The following MARVELD3 variants were observed in gnomAD, a reference collection of about 807,000 sequenced individuals.
The protein encoded by MARVELD3 is MARVEL domain-containing protein 3.
MARVELD3 carries 28 observed loss-of-function variants against 33.5 expected under a neutral mutation model. That is an observed-to-expected ratio of 0.84 (90% CI 0.62 to 1.15). The LOEUF is 1.15. Ranked by LOEUF, MARVELD3 falls within the 50% of genes most tolerant of loss-of-function variation. MARVELD3 has a pLI of 0.00. For synonymous variants in MARVELD3, 241 were observed against 230.4 expected, an observed-to-expected ratio of 1.05 and a Z score of -0.42; for missense variants, 582 against 547.6, an observed-to-expected ratio of 1.06 and a Z score of -0.63.
chr16:71,634,001 T>G (rs2044557227), intron 2 of MARVELD3, among the ~76,000 whole-genome samples, 192 bp from the exon 3 acceptor site: 1 of 152,124 alleles, frequency 6.6e-6, no homozygotes, highest in Admixed American at 6.5e-5. Context: ...CCATAGTATT[T>G]CTGGCACCAT....
At chr16:71,629,218 C>A in intron 1 of MARVELD3, 149 bp from the exon 2 acceptor site, 1 of 912,286 alleles carries the variant, frequency 1.1e-6, no homozygotes, top group Non-Finnish European at 1.5e-6. Context: ...GCCACTAAAC[C>A]AGAGAATTCT....
In MARVELD3 at chr16:71,636,259, A is replaced by C; in HGVS notation, c.*1456A>C. 1 of 622,280 alleles carries C rather than the reference A, an allele frequency of 1.6e-6. No homozygotes were observed. Among genetic ancestry groups the C allele is most frequent in the South Asian group, 6.9e-5 (1 of 14,450 alleles). 38.5% of individuals were successfully genotyped at this position (622,280 alleles called of 1,614,324 possible). A position where few individuals can be genotyped will look rare whatever the true frequency, so the allele number is the denominator to read the frequency against. ...ATTTATAATATTCTCTTAAATACAG[A>C]CAATTTTTCACATTTAAAAGGTGAG... is the stretch of plus-strand genomic sequence containing the variant. On this transcript the variant is annotated 3_prime_UTR_variant, in exon 3 of 3. Coordinates refer to ENST00000268485, the MANE Select transcript of MARVELD3 (RefSeq NM_052858.6).
intron 2 of MARVELD3, among the ~76,000 whole-genome samples, chr16:71,629,837 G>T (rs1374718064): frequency 6.6e-6 from 1 of 152,094 alleles, no homozygotes; most frequent in East Asian, 1.9e-4. Context: ...ATCTTCTGGC[G>T]AGGCAGCTGA....
At position 71,634,329 on chromosome 16, in the gene MARVELD3, C is replaced by T. The variant is rs750059588; in HGVS notation, c.732C>T (p.Tyr244=). 34 of 1,614,088 alleles carry T rather than the reference C, an allele frequency of 2.1e-5. No individual in the cohort carries two copies. Among genetic ancestry groups the T allele is most frequent in the Non-Finnish European group, 2.8e-5 (33 of 1,180,044 alleles). Residue 244 remains tyrosine, a synonymous_variant, in exon 3 of 3, where the codon TAC becomes TAT. Coordinates refer to ENST00000268485, the MANE Select transcript of MARVELD3 (RefSeq NM_052858.6). ...GIYYYQFGGA[Y]SGFDGADGEK... ...ACTACTATCAGTTCGGAGGGGCTTA[C>T]AGTGGCTTTGATGGTGCTGACGGGG...
rs1470169870 is a variant in MARVELD3 at position 71,635,271 on chromosome 16, G to T, written c.*468G>T. The T allele has an allele frequency of 1.1e-6, 1 of 932,612 alleles. No individual in the cohort carries two copies. The highest frequency in any genetic ancestry group is 1.2e-4 in the East Asian group (1 of 8,562). The allele number at this position is 932,612 out of a possible 1,614,324, so 57.8% of individuals were successfully genotyped here. On this transcript the variant is annotated 3_prime_UTR_variant, in exon 3 of 3. Transcript: ENST00000268485. ...TTGAATCTGGGAGGCGGAGATTGCA[G>T]TGAGCCGAGATCCCGCCACTGCACT...
downstream of MARVELD3, chr16:71,641,104 A>G (rs2044616415): frequency 1.3e-6 from 2 of 1,495,976 alleles, no homozygotes; most frequent in African/African-American, 1.4e-5. Context: ...GCATTAGACA[A>G]CTATGGTTTT....
In MARVELD3 at chr16:71,626,639, C is replaced by A; in HGVS notation, c.410C>A (p.Ala137Asp). The change falls in exon 1 of 3, where the codon GCC (alanine) becomes GAC (aspartate). Residue 137 changes from alanine (A) to aspartate (D), a missense_variant. By Grantham distance (126) the Ala-to-Asp change is moderately radical. Coordinates refer to ENST00000268485, the MANE Select transcript of MARVELD3 (RefSeq NM_052858.6). The surrounding 1 kb of genome is among the most constrained non-coding windows in gnomAD (Gnocchi z 5.3). ...AAPPGPAPWE[A>D]PEPPQPQRKG... ...CCTCCTGGGCCCGCGCCCTGGGAAG[C>A]CCCGGAGCCGCCGCAGCCGCAGAGG... The A allele has an allele frequency of 6.5e-7, 1 of 1,535,700 alleles. No homozygotes were observed. Among genetic ancestry groups the A allele is most frequent in the Admixed American group, 2.0e-5 (1 of 50,502 alleles).
At position 71,632,961 on chromosome 16, in the gene MARVELD3, A is replaced by G. The variant is rs181406829; in HGVS notation, c.596-1232A>G. Among the ~76,000 whole-genome samples, 9 of 152,204 alleles carry G rather than the reference A, an allele frequency of 5.9e-5. No individual in the cohort carries two copies. The East Asian group carries it at 1.5e-3, about 26-fold the overall frequency. On this transcript the variant is annotated intron_variant, in intron 2 of 2. Coordinates refer to ENST00000268485, the MANE Select transcript of MARVELD3 (RefSeq NM_052858.6). Reference sequence around the variant, plus strand: ...AACCACAGTTAACATTTTGATGTATAACTTCCACGCTTTTTTTCTGAATTA... The same window carrying G: ...AACCACAGTTAACATTTTGATGTATGACTTCCACGCTTTTTTTCTGAATTA...
At chr16:71,640,668 C>A (rs781199812), downstream of MARVELD3, 5 of 1,614,238 alleles carry the variant, frequency 3.1e-6, no homozygotes, top group Non-Finnish European at 4.2e-6. Context: ...AGCCAAGAGT[C>A]GAACAATGTT....
rs1327185647 is a variant in MARVELD3, at chr16:71,626,374, G to A, written c.145G>A (p.Gly49Arg). The A allele has an allele frequency of 1.9e-6, 3 of 1,546,306 alleles. No individual in the cohort carries two copies. Among genetic ancestry groups the A allele is most frequent in the South Asian group, 2.4e-5 (2 of 83,848 alleles). Residue 49 changes from glycine (G) to arginine (R), a missense_variant, in exon 1 of 3, where the codon GGG becomes AGG. Transcript: ENST00000268485. The surrounding 1 kb of genome is among the most constrained non-coding windows in gnomAD (Gnocchi z 5.3). ...CCCGCGCAGGAAGCGAAGCAGCGAC[G>A]GGAACCGGCGAAGGGACGGGGACCG... The part of the protein sequence containing the change: ...GDPRRKRSSD[G>R]NRRRDGDRDP...
In MARVELD3 at chr16:71,627,648, G is replaced by A. The variant is rs79720924; in HGVS notation, c.467+952G>A. ...CTAGGCAGCGTCATTCGAATCCCAC[G>A]GCTGCTTGAGACCGCACCCTCCTAA... On this transcript the variant is annotated intron_variant, in intron 1 of 2. Coordinates refer to ENST00000268485, the MANE Select transcript of MARVELD3 (RefSeq NM_052858.6). 3.1e-3 allele frequency among the ~76,000 whole-genome samples: 476 copies of A among 152,182 alleles called. 1 individual carries two copies. The highest frequency in any genetic ancestry group is 5.5e-3 in the Non-Finnish European group (375 of 68,004).
intron 2 of MARVELD3, among the ~76,000 whole-genome samples, chr16:71,629,918 C>T (rs938358185): frequency 2.1e-4 from 32 of 152,164 alleles, no homozygotes; most frequent in African/African-American, 7.2e-4. Context: ...GAAGATCTGA[C>T]GCCCAACATT....
chr16:71,629,299 A>G, intron 1 of MARVELD3, 68 bp from the exon 2 acceptor site: 1 of 1,469,044 alleles, frequency 6.8e-7, no homozygotes, highest in Non-Finnish European at 9.0e-7. Context: ...CGAGGAGTCA[A>G]GAGTTCTAAT....
Position 71,634,207 on chromosome 16 carries a change from C to A in MARVELD3, c.610C>A (p.Leu204Met). 2 of 1,601,906 alleles carry A rather than the reference C, an allele frequency of 1.2e-6. No homozygotes were observed. The highest frequency in any genetic ancestry group is 1.7e-5 in the Admixed American group (1 of 59,270). ...TTTTTTTGCAGCCTGCTGCCAAATG[C>A]TGGAGGTTCTCCTGAACTTGCTGAT... is the stretch of plus-strand genomic sequence containing the variant. Reference protein sequence around the residue: ...LCTGRACCQMLEVLLNLLILA... With the variant: ...LCTGRACCQMMEVLLNLLILA... Residue 204 changes from leucine to methionine, a missense_variant, in exon 3 of 3, where the codon CTG becomes ATG. Physicochemically the swap from Leu to Met is conservative, Grantham distance 15. Coordinates refer to ENST00000268485, the MANE Select transcript of MARVELD3 (RefSeq NM_052858.6).
At chr16:71,628,622 A>G (rs1476878987) in intron 1 of MARVELD3, among the ~76,000 whole-genome samples, 1 of 151,684 alleles carries the variant, frequency 6.6e-6, no homozygotes, top group Non-Finnish European at 1.5e-5. Context: ...ACCCAGAGGC[A>G]TGGAAAAGCA....
At position 71,635,885 on chromosome 16, in the gene MARVELD3, C is replaced by T; in HGVS notation, c.*1082C>T. The T allele has an allele frequency of 1.0e-6, 1 of 985,350 alleles. No individual in the cohort carries two copies. The highest frequency in any genetic ancestry group is 1.2e-6 in the Non-Finnish European group (1 of 829,932). The allele number at this position is 985,350 out of a possible 1,614,324, so 61.0% of individuals were successfully genotyped here. On this transcript the variant is annotated 3_prime_UTR_variant, in exon 3 of 3. Coordinates refer to ENST00000268485, the MANE Select transcript of MARVELD3 (RefSeq NM_052858.6). ...GTTGCAAAGAGGCTATTCTGCAAGC[C>T]CCTTACAGTGGCCCTGAAAGCTCAA...
At chr16:71,629,954 G>A (rs539364066) in intron 2 of MARVELD3, among the ~76,000 whole-genome samples, 4 of 152,058 alleles carry the variant, frequency 2.6e-5, no homozygotes, top group African/African-American at 9.7e-5. Context: ...AAACTTTATT[G>A]ACTGAGGCCA....
exon 3 of MARVELD3, chr16:71,641,702 C>T (rs1199669744): frequency 6.6e-6 from 1 of 151,858 alleles, no homozygotes; most frequent in Non-Finnish European, 1.5e-5. Flanking sequence ...TGAGCAAACT[C>T]CACTCCACGT....
downstream of MARVELD3, chr16:71,641,124 G>T: frequency 7.0e-7 from 1 of 1,420,752 alleles, no homozygotes; most frequent in South Asian, 1.4e-5. Context: ...TCACACACTT[G>T]ACTTTATAAA....
Sources: allele counts gnomAD v4.1 joint callset (sites outside exome capture counted in the v4.1 genomes callset), GRCh38; gene constraint gnomAD v4.1.1; non-coding constraint Gnocchi (gnomAD v3.1); transcripts MANE v1.5; gene names NCBI Gene and HGNC (gene_info 2026-07-23, HGNC 2026-07-21).